Variants in CRB1 observed in about 807,000 individuals in gnomAD.
The protein encoded by CRB1 is crumbs cell polarity complex component 1.
CRB1 carries 83 observed loss-of-function variants against 120.0 expected under a neutral mutation model. The ratio of observed to expected loss-of-function variants is 0.69; its 90% CI spans 0.58 to 0.83. The LOEUF is 0.83. Ranked by LOEUF, CRB1 falls within the 40% of genes least tolerant of loss-of-function variation. The pLI, the probability that CRB1 is intolerant of heterozygous loss-of-function variation, is 0.00. For synonymous variants in CRB1, 625 were observed against 612.5 expected, an observed-to-expected ratio of 1.02 and a Z score of -0.30; for missense variants, 1,699 against 1,687.6, an observed-to-expected ratio of 1.01 and a Z score of -0.12.
chr1:197,309,451 C>T (rs951694491), intron 1 of CRB1, among the ~76,000 whole-genome samples: 1 of 152,108 alleles, frequency 6.6e-6, no homozygotes, highest in Non-Finnish European at 1.5e-5. Flanking sequence ...ACACTGGAAT[C>T]CACATATTTA....
intron 5 of CRB1, chr1:197,364,122 G>A: frequency 1.2e-6 from 1 of 858,440 alleles, no homozygotes; most frequent in Non-Finnish European, 1.8e-6. Flanking sequence ...CTTGTGGATG[G>A]GACACCCAGT....
chr1:197,202,936 C>T, the CRB1 span, among the ~76,000 whole-genome samples: 11,103 of 151,530 alleles, frequency 0.073, 1,359 homozygotes, highest in African/African-American at 0.25. Flanking sequence ...GTGCAAAAAT[C>T]GTAGACCTAC....
At chr1:197,378,084 A>C (rs901748169) in intron 5 of CRB1, among the ~76,000 whole-genome samples, 1 of 152,168 alleles carries the variant, frequency 6.6e-6, no homozygotes, top group South Asian at 2.1e-4. Context: ...GTTGACATGT[A>C]AGTTTTCTGG....
chr1:197,203,656 G>A, the CRB1 span, among the ~76,000 whole-genome samples: 3 of 152,118 alleles, frequency 2.0e-5, no homozygotes, highest in Admixed American at 6.5e-5. Context: ...CCTTACCTAG[G>A]AGAAATAAGC....
At chr1:197,204,965 A>T in the CRB1 span, among the ~76,000 whole-genome samples, 1 of 152,074 alleles carries the variant, frequency 6.6e-6, no homozygotes, top group Non-Finnish European at 1.5e-5. Context: ...GTGAGAGATG[A>T]GGATCACCTC....
intron 1 of CRB1, among the ~76,000 whole-genome samples, chr1:197,288,081 C>G (rs1269678272): frequency 6.6e-6 from 1 of 151,808 alleles, no homozygotes; most frequent in Non-Finnish European, 1.5e-5. Flanking sequence ...GAGACCCAGA[C>G]AGATGAAATT....
intron 1 of CRB1, among the ~76,000 whole-genome samples, chr1:197,277,109 TA>T (rs1553241695): frequency 6.6e-6 from 1 of 151,928 alleles, no homozygotes; most frequent in Admixed American, 6.6e-5. Flanking sequence ...TTTATTTTTT[TA>T]AAAAAAGTTA....
intron 5 of CRB1, among the ~76,000 whole-genome samples, chr1:197,369,503 A>G (rs1661257207): frequency 6.6e-6 from 1 of 152,106 alleles, no homozygotes; most frequent in Non-Finnish European, 1.5e-5. Context: ...CCCTTTCTCA[A>G]AAGAGGTTTT....
At chr1:197,213,632 C>T in the CRB1 span, among the ~76,000 whole-genome samples, 1 of 152,050 alleles carries the variant, frequency 6.6e-6, no homozygotes, top group Non-Finnish European at 1.5e-5. Context: ...ATACATTTGG[C>T]CACAAACAAA....
upstream of CRB1, among the ~76,000 whole-genome samples, chr1:197,267,024 C>G (rs961894393): frequency 1.8e-4 from 27 of 152,110 alleles, no homozygotes. Context: ...AGAGACTTCA[C>G]AAGATTTAGT....
In CRB1 at chr1:197,434,813, G is replaced by A. The variant is rs1443067009; in HGVS notation, c.2950G>A (p.Asp984Asn). 1.2e-6 allele frequency: 2 copies of A among 1,613,568 alleles called. No individual in the cohort carries two copies. Among genetic ancestry groups the A allele is most frequent in the South Asian group, 2.2e-5 (2 of 91,078 alleles). ...TNITFGFRTR[D>N]ANVIILHAEK... ...TATCACATTTGGTTTCAGAACAAGG[G>A]ATGCAAATGTAATAATATTGCATGC... Residue 984 changes from aspartate (D) to asparagine (N), a missense_variant, in exon 9 of 12, where the codon GAT becomes AAT. Transcript: ENST00000367400.
the CRB1 span, among the ~76,000 whole-genome samples, chr1:197,218,200 C>T: frequency 6.6e-6 from 1 of 152,086 alleles, no homozygotes; most frequent in Non-Finnish European, 1.5e-5. Context: ...GGGCAAGGAA[C>T]AAGAAAGGTG....
the CRB1 span, among the ~76,000 whole-genome samples, chr1:197,259,330 A>G: frequency 2.0e-5 from 3 of 152,264 alleles, no homozygotes; most frequent in Non-Finnish European, 4.4e-5. Flanking sequence ...CATATACACC[A>G]TGGGATACTA....
intron 11 of CRB1, chr1:197,443,744 A>T (rs1665570148): frequency 6.6e-6 from 1 of 151,798 alleles, no homozygotes; most frequent in African/African-American, 2.4e-5. Context: ...AAGTATACTA[A>T]GATATGCAAA....
chr1:197,344,341 C>A lies in CRB1; in HGVS notation c.713C>A (p.Thr238Asn), dbSNP rs1452822430. Residue 238 changes from threonine to asparagine, a missense_variant, in exon 3 of 12, where the codon ACT becomes AAT. Transcript: ENST00000367400. Reference protein sequence around the residue: ...CWSQPCLNGATCQDALGAYFC... With the variant: ...CWSQPCLNGANCQDALGAYFC... ...TCCCAGCCTTGTTTAAATGGTGCAACTTGTCAGGATGCTCTGGGGGCCTAT... is the reference window on the plus strand; with the variant it reads ...TCCCAGCCTTGTTTAAATGGTGCAAATTGTCAGGATGCTCTGGGGGCCTAT... The A allele has an allele frequency of 7.4e-6, 12 of 1,614,052 alleles. No individual in the cohort carries two copies. Among genetic ancestry groups the A allele is most frequent in the Non-Finnish European group, 9.3e-6 (11 of 1,180,012 alleles).
At chr1:197,367,858 G>A (rs1219360794) in intron 5 of CRB1, among the ~76,000 whole-genome samples, 1 of 152,132 alleles carries the variant, frequency 6.6e-6, no homozygotes. Flanking sequence ...TGAAGTCCTG[G>A]CTTCAAACCT....
At chr1:197,416,796 G>A (rs545599999) in intron 5 of CRB1, among the ~76,000 whole-genome samples, 4 of 152,064 alleles carry the variant, frequency 2.6e-5, no homozygotes, top group East Asian at 3.9e-4. Flanking sequence ...TGCAACCTCC[G>A]CCTCCCAGAT....
intron 1 of CRB1, among the ~76,000 whole-genome samples, chr1:197,318,007 A>C (rs963335456): frequency 3.3e-5 from 5 of 152,240 alleles, no homozygotes; most frequent in African/African-American, 1.2e-4. Flanking sequence ...ATAGGATTAC[A>C]TCAAACTAAA....
chr1:197,255,536 T>G, the CRB1 span, among the ~76,000 whole-genome samples: 1 of 152,058 alleles, frequency 6.6e-6, no homozygotes, highest in East Asian at 1.9e-4. Flanking sequence ...CACATCCTAG[T>G]TGGAAATGAG....
Sources: gnomAD v4.1 joint callset for allele counts (sites outside exome capture counted in the v4.1 genomes callset) on GRCh38, gnomAD v4.1.1 for gene constraint, MANE v1.5 for transcripts, NCBI Gene and HGNC (gene_info 2026-07-23, HGNC 2026-07-21) for gene names.